PTPN13: variants seen among roughly 807,000 people sequenced by gnomAD.
PTPN13 encodes tyrosine-protein phosphatase non-receptor type 13.
Under a neutral mutation model 284.0 loss-of-function variants are expected in PTPN13, and 191 were observed. The ratio of observed to expected loss-of-function variants is 0.67; its 90% CI spans 0.60 to 0.76. The LOEUF (loss-of-function observed/expected upper bound fraction) is 0.76. Among genes scored for constraint, PTPN13 ranks in the 30% least tolerant of loss-of-function variants. PTPN13 has a pLI of 0.00. For missense variants in PTPN13, 2,797 were observed against 2,939.9 expected (o/e 0.95, Z 1.12); for synonymous variants, 986 against 1,022.3 (o/e 0.96, Z 0.68).
At chr4:86,686,487 A>C (rs1211303104) in intron 3 of PTPN13, among the ~76,000 whole-genome samples, 1 of 152,242 alleles carries the variant, frequency 6.6e-6, no homozygotes, top group Non-Finnish European at 1.5e-5. Context: ...CTGATTATGC[A>C]TAAAGGATGG....
In PTPN13 at chr4:86,775,466, A is replaced by G. The variant is rs1446666364; in HGVS notation, c.5705A>G (p.Asp1902Gly). The G allele has an allele frequency of 6.2e-7, 1 of 1,608,828 alleles. No homozygotes were observed. The highest frequency in any genetic ancestry group is 8.5e-7 in the Non-Finnish European group (1 of 1,175,312). Reference protein sequence around the residue: ...ELGFSLCGGHDSLYQVVYISD... With the variant: ...ELGFSLCGGHGSLYQVVYISD... ...GGTTTTTCCTTATGTGGAGGTCATG[A>G]CAGCCTTTATCAAGTGGTATATATT... Residue 1902 changes from aspartate to glycine, a missense_variant, in exon 35 of 48, where the codon GAC (aspartate) becomes GGC (glycine). Physicochemically the swap from Asp to Gly is moderately conservative, Grantham distance 94 (BLOSUM62 -1). Transcript: ENST00000411767.
intron 2 of PTPN13, among the ~76,000 whole-genome samples, chr4:86,669,843 T>C (rs1451164862): frequency 6.6e-6 from 1 of 152,186 alleles, no homozygotes; most frequent in Non-Finnish European, 1.5e-5. Flanking sequence ...ACAGTTACAC[T>C]CAAAATCATA....
intron 9 of PTPN13, among the ~76,000 whole-genome samples, chr4:86,721,993 C>T (rs1168198846): frequency 6.6e-6 from 1 of 151,920 alleles, no homozygotes; most frequent in Non-Finnish European, 1.5e-5. Flanking sequence ...GCGATCCAAC[C>T]GCCTTCACCT....
chr4:86,701,945 A>G lies in PTPN13; in HGVS notation c.1195+144A>G, dbSNP rs1273302365. 3 of 761,216 alleles carry G rather than the reference A, an allele frequency of 3.9e-6. No homozygotes were observed. The East Asian group carries it at 8.4e-5, about 21-fold the overall frequency. The allele number at this position is 761,216 out of a possible 1,614,324, so 47.2% of individuals were successfully genotyped here. On this transcript the variant is annotated intron_variant, in intron 7 of 47. Coordinates refer to ENST00000411767, the MANE Select transcript of PTPN13 (RefSeq NM_080683.3). ...CTGGTTAGTCTCTTACTTCTCTGTCAATTTCTGTTCTCCCTTCCATCAAAA... is the reference window on the plus strand; with the variant it reads ...CTGGTTAGTCTCTTACTTCTCTGTCGATTTCTGTTCTCCCTTCCATCAAAA...
chr4:86,663,942 C>G (rs1726788347), intron 2 of PTPN13, among the ~76,000 whole-genome samples: 1 of 152,034 alleles, frequency 6.6e-6, no homozygotes, highest in South Asian at 2.1e-4. Context: ...GTACTTAATA[C>G]CAGTTAATTG....
Position 86,770,097 on chromosome 4 carries a change from C to T in PTPN13, c.4705-4C>T. 2 of 1,613,308 alleles carry T rather than the reference C, an allele frequency of 1.2e-6. No homozygotes were observed. Among genetic ancestry groups the T allele is most frequent in the Non-Finnish European group, 1.7e-6 (2 of 1,179,446 alleles). On this transcript the variant is annotated splice_region_variant and splice_polypyrimidine_tract_variant and intron_variant, in intron 29 of 47. Transcript: ENST00000411767. ...CCTTCATTTGTCATTCATGGTACCC[C>T]CAGGAAGTCATATCTGCTCTCAGGG... is the stretch of plus-strand genomic sequence containing the variant.
At chr4:86,803,932 C>T in intron 43 of PTPN13, 75 bp downstream of exon 43, 1 of 1,483,634 alleles carries the variant, frequency 6.7e-7, no homozygotes, top group East Asian at 2.3e-5. Flanking sequence ...TCTTTACTGG[C>T]CCAAGATTAG....
chr4:86,678,975 A>G (rs1728596763), intron 3 of PTPN13, among the ~76,000 whole-genome samples: 1 of 152,074 alleles, frequency 6.6e-6, no homozygotes, highest in African/African-American at 2.4e-5. Context: ...ATCTTGTTCT[A>G]TTCCTGTTTA....
intron 26 of PTPN13, 71 bp downstream of exon 26, chr4:86,765,559 T>TGGGCCGGGCGCGGTG: frequency 9.3e-7 from 1 of 1,070,136 alleles, no homozygotes; most frequent in Non-Finnish European, 1.4e-6. Context: ...ATTATAAAGT[T>TGGGCCGGGCGCGGTG]GATAACTGAC....
At chr4:86,688,858 T>C (rs988264957) in intron 4 of PTPN13, 147 bp from the exon 5 acceptor site, 1 of 535,822 alleles carries the variant, frequency 1.9e-6, no homozygotes, top group African/African-American at 1.9e-5. Context: ...CACAGTAAAA[T>C]GCTTATGCTG....
At chr4:86,813,977 C>A (rs1384162767) in intron 47 of PTPN13, among the ~76,000 whole-genome samples, 1 of 149,262 alleles carries the variant, frequency 6.7e-6, no homozygotes, top group Non-Finnish European at 1.5e-5. Flanking sequence ...TTTTATAATA[C>A]CACACAATTC....
At chr4:86,622,100 C>T (rs995528136) in intron 1 of PTPN13, among the ~76,000 whole-genome samples, 1 of 152,168 alleles carries the variant, frequency 6.6e-6, no homozygotes, top group Non-Finnish European at 1.5e-5. Flanking sequence ...ATCATTACAA[C>T]CCCCTGTGTT....
At chr4:86,639,666 C>CT (rs1390149330) in intron 2 of PTPN13, among the ~76,000 whole-genome samples, 1 of 142,512 alleles carries the variant, frequency 7.0e-6, no homozygotes, top group Non-Finnish European at 1.5e-5. Flanking sequence ...ACATCACACT[C>CT]TGGGGACTGT....
At chr4:86,814,316 T>C in intron 47 of PTPN13, 140 bp from the exon 48 acceptor site, 1 of 552,568 alleles carries the variant, frequency 1.8e-6, no homozygotes, top group East Asian at 3.3e-5. Flanking sequence ...ACACCCTGTT[T>C]CTTGCATTCA....
intron 7 of PTPN13, among the ~76,000 whole-genome samples, chr4:86,712,993 A>G (rs1292535523): frequency 2.0e-5 from 3 of 151,882 alleles, no homozygotes; most frequent in African/African-American, 7.3e-5. Flanking sequence ...ATTAAAATTT[A>G]TTTATGATCT....
intron 2 of PTPN13, among the ~76,000 whole-genome samples, chr4:86,649,160 A>G (rs1184657583): frequency 1.3e-5 from 2 of 152,154 alleles, no homozygotes; most frequent in Non-Finnish European, 2.9e-5. Flanking sequence ...TATTTCTCCC[A>G]TTCTGTGGGT....
intron 2 of PTPN13, among the ~76,000 whole-genome samples, chr4:86,670,912 A>G (rs765922319): frequency 5.3e-5 from 8 of 152,198 alleles, no homozygotes; most frequent in African/African-American, 1.2e-4. Context: ...GATTCATTGA[A>G]ATGATTCATT....
At chr4:86,601,561 A>T (rs1764295574) in intron 1 of PTPN13, among the ~76,000 whole-genome samples, 1 of 152,146 alleles carries the variant, frequency 6.6e-6, no homozygotes, top group Admixed American at 6.5e-5. Context: ...AAATATTTTA[A>T]TATGGTTACA....
chr4:86,671,528 A>C (rs1727720465), intron 2 of PTPN13, among the ~76,000 whole-genome samples: 1 of 152,164 alleles, frequency 6.6e-6, no homozygotes, highest in African/African-American at 2.4e-5. Context: ...TGTTGAGCCT[A>C]ATGTACAGCT....
Sources: gnomAD v4.1 joint callset for allele counts (sites outside exome capture counted in the v4.1 genomes callset) on GRCh38, gnomAD v4.1.1 for gene constraint, MANE v1.5 for transcripts, NCBI Gene and HGNC (gene_info 2026-07-23, HGNC 2026-07-21) for gene names.